NEGR1: variants seen among roughly 807,000 people sequenced by gnomAD.
NEGR1 encodes the protein neuronal growth regulator 1, also known as IgLON family member 4.
NEGR1 carries 10 observed loss-of-function variants against 40.9 expected under a neutral mutation model. That is an observed-to-expected ratio of 0.24 (90% CI 0.15 to 0.42). The LOEUF (loss-of-function observed/expected upper bound fraction) is 0.42, where lower values mean the gene tolerates loss of function less well. Among genes scored for constraint, NEGR1 ranks in the 10% least tolerant of loss-of-function variants. The pLI, the probability that NEGR1 is intolerant of heterozygous loss-of-function variation, is 1.00. For synonymous variants in NEGR1, 185 were observed against 166.8 expected (o/e 1.11, Z -0.84); for missense variants, 352 against 438.9 (o/e 0.80, Z 1.77).
intron 1 of NEGR1, among the ~76,000 whole-genome samples, chr1:71,955,438 C>G (rs1646111715): frequency 2.0e-5 from 3 of 152,120 alleles, no homozygotes; most frequent in Admixed American, 6.6e-5. Context: ...TCTGGATCCT[C>G]TGATATGACA....
At chr1:72,173,594 C>T (rs1570078685) in intron 1 of NEGR1, among the ~76,000 whole-genome samples, 1 of 152,006 alleles carries the variant, frequency 6.6e-6, no homozygotes, top group Non-Finnish European at 1.5e-5. Flanking sequence ...TTACACATCT[C>T]CTTACATCTT....
intron 1 of NEGR1, among the ~76,000 whole-genome samples, chr1:71,957,866 T>C (rs1297803503): frequency 6.6e-6 from 1 of 152,226 alleles, no homozygotes; most frequent in African/African-American, 2.4e-5. Flanking sequence ...TCCAGCCATT[T>C]CTCCTAGAAT....
intron 2 of NEGR1, among the ~76,000 whole-genome samples, chr1:71,900,070 C>T (rs980394663): frequency 6.6e-6 from 1 of 152,142 alleles, no homozygotes; most frequent in African/African-American, 2.4e-5. Context: ...CATTTCTCTA[C>T]CTCCAGCCAA....
At chr1:71,670,466 T>C (rs1278123134) in intron 4 of NEGR1, among the ~76,000 whole-genome samples, 1 of 152,242 alleles carries the variant, frequency 6.6e-6, no homozygotes, top group Non-Finnish European at 1.5e-5. Context: ...TTTTTTGTTG[T>C]TGTTCTTGAA....
chr1:71,858,791 C>A (rs1659858502), intron 2 of NEGR1, among the ~76,000 whole-genome samples: 1 of 152,054 alleles, frequency 6.6e-6, no homozygotes. Flanking sequence ...TTCAAAATAT[C>A]ATTTAATTGC....
At chr1:72,015,360 G>T (rs2100410201) in intron 1 of NEGR1, among the ~76,000 whole-genome samples, 1 of 151,806 alleles carries the variant, frequency 6.6e-6, no homozygotes, top group African/African-American at 2.4e-5. Flanking sequence ...ATACAATTTT[G>T]TGGTCACAAA....
At chr1:71,557,697 G>A (rs1303294416) in intron 6 of NEGR1, among the ~76,000 whole-genome samples, 2 of 151,364 alleles carry the variant, frequency 1.3e-5, no homozygotes, top group African/African-American at 4.8e-5. Flanking sequence ...ATATAACCAT[G>A]GGACAATTAT....
chr1:72,069,725 A>G lies in NEGR1; in HGVS notation c.177-134414T>C, dbSNP rs115404614. 8.6e-3 allele frequency among the ~76,000 whole-genome samples: 1,302 copies of G among 152,262 alleles called. 18 individuals are homozygous for G. Among genetic ancestry groups the G allele is most frequent in the African/African-American group, 0.03 (1,257 of 41,566 alleles). On this transcript the variant is annotated intron_variant, in intron 1 of 6. Transcript: ENST00000357731. Reference sequence around the variant, plus strand: ...ATTAAGATGAATTCATTTTGTATCTAAAATTGAGTCCTATTGTGTTAACAC... The same window carrying G: ...ATTAAGATGAATTCATTTTGTATCTGAAATTGAGTCCTATTGTGTTAACAC...
At chr1:71,671,797 C>G (rs963440182) in intron 4 of NEGR1, among the ~76,000 whole-genome samples, 5 of 152,062 alleles carry the variant, frequency 3.3e-5, no homozygotes, top group Admixed American at 3.3e-4. Flanking sequence ...ATTAATCATA[C>G]TTGCCAGACA....
At chr1:72,092,532 T>C (rs112159599) in intron 1 of NEGR1, among the ~76,000 whole-genome samples, 5,063 of 152,244 alleles carry the variant, frequency 0.033, 295 homozygotes, top group African/African-American at 0.12. Flanking sequence ...TTACTTAACA[T>C]GAATGACATA....
intron 2 of NEGR1, among the ~76,000 whole-genome samples, chr1:71,823,733 A>G (rs765802937): frequency 1.3e-5 from 2 of 152,026 alleles, no homozygotes; most frequent in African/African-American, 2.4e-5. Context: ...TATATCCTTA[A>G]GAAAAGCCTG....
intron 1 of NEGR1, among the ~76,000 whole-genome samples, chr1:72,210,910 T>C (rs1260187709): frequency 6.6e-6 from 1 of 151,852 alleles, no homozygotes; most frequent in Non-Finnish European, 1.5e-5. Flanking sequence ...AGTTGTCAAG[T>C]TTTGGTGTAG....
intron 1 of NEGR1, among the ~76,000 whole-genome samples, chr1:72,039,869 C>A (rs2821281): frequency 0.23 from 34,825 of 151,728 alleles, 5,305 homozygotes; most frequent in African/African-American, 0.43. Context: ...AATCATTGAC[C>A]ATTTTGGCAA....
chr1:71,929,293 TTAAAGA>T (rs1645832139), intron 2 of NEGR1, among the ~76,000 whole-genome samples: 1 of 152,164 alleles, frequency 6.6e-6, no homozygotes, highest in Admixed American at 6.5e-5. Context: ...GGTGCATTCC[TTAAAGA>T]TAAAGATATT....
intron 4 of NEGR1, among the ~76,000 whole-genome samples, chr1:71,644,702 G>A (rs944851189): frequency 1.3e-5 from 2 of 151,852 alleles, no homozygotes; most frequent in Non-Finnish European, 2.9e-5. Flanking sequence ...CTACGGTAAG[G>A]ATTAAATAGG....
chr1:72,282,047 C>T (rs890381264), intron 1 of NEGR1, among the ~76,000 whole-genome samples: 8 of 152,124 alleles, frequency 5.3e-5, no homozygotes, highest in African/African-American at 1.9e-4. Flanking sequence ...GTGGCACCTG[C>T]CCCTCCTTCT....
intron 2 of NEGR1, among the ~76,000 whole-genome samples, chr1:71,866,036 C>A (rs566308405): frequency 6.6e-6 from 1 of 152,122 alleles, no homozygotes; most frequent in Admixed American, 6.5e-5. Context: ...CTATAATTTT[C>A]CCAATTCTGG....
intron 2 of NEGR1, among the ~76,000 whole-genome samples, chr1:71,925,580 A>C (rs1376745070): frequency 1.3e-5 from 2 of 152,338 alleles, no homozygotes; most frequent in East Asian, 3.9e-4. Flanking sequence ...AGTAAACAAT[A>C]TTAGCAGATT....
At chr1:72,012,807 A>G (rs1646669190) in intron 1 of NEGR1, among the ~76,000 whole-genome samples, 1 of 141,336 alleles carries the variant, frequency 7.1e-6, no homozygotes, top group South Asian at 2.5e-4. Context: ...GTGTGTGTAT[A>G]TATATATATA....
Sources: allele counts gnomAD v4.1 joint callset (sites outside exome capture counted in the v4.1 genomes callset), GRCh38; gene constraint gnomAD v4.1.1; transcripts MANE v1.5; gene names NCBI Gene and HGNC (gene_info 2026-07-23, HGNC 2026-07-21).